Variants in RYR3 observed in about 807,000 individuals in gnomAD.
RYR3 encodes ryanodine receptor 3.
A neutral mutation model predicts 584.3 loss-of-function variants in RYR3; 207 were observed. The ratio of observed to expected loss-of-function variants is 0.35; its 90% confidence interval spans 0.32 to 0.40. The LOEUF is 0.40. Among genes scored for constraint, RYR3 ranks in the 10% least tolerant of loss-of-function variants. The probability of loss-of-function intolerance (pLI) is 1.00; values close to 1 mark genes in which losing one functional copy is unlikely to be tolerated. For missense variants in RYR3, 5,616 were observed against 6,089.2 expected, an observed-to-expected ratio of 0.92 and a Z score of 2.59; for synonymous variants, 2,416 against 2,248.5, an observed-to-expected ratio of 1.07 and a Z score of -2.11.
chr15:33,474,825 A>T (rs946693929), intron 2 of RYR3, among the ~76,000 whole-genome samples: 11 of 152,240 alleles, frequency 7.2e-5, no homozygotes, highest in African/African-American at 2.7e-4. Flanking sequence ...GTAACACCAG[A>T]TGTCCAGGGT....
At chr15:33,423,759 G>A (rs901879556) in intron 1 of RYR3, among the ~76,000 whole-genome samples, 1 of 152,030 alleles carries the variant, frequency 6.6e-6, no homozygotes, top group Admixed American at 6.5e-5. Flanking sequence ...ATATTTTGTA[G>A]TGAGTAATAA....
intron 2 of RYR3, among the ~76,000 whole-genome samples, chr15:33,489,206 C>A (rs2050756697): frequency 1.3e-5 from 2 of 152,006 alleles, no homozygotes; most frequent in East Asian, 3.9e-4. Flanking sequence ...GCTTTATGTT[C>A]CTTATTTTTT....
intron 1 of RYR3, among the ~76,000 whole-genome samples, chr15:33,458,453 C>T (rs75484545): frequency 6.6e-6 from 1 of 152,298 alleles, no homozygotes; most frequent in East Asian, 1.9e-4. Flanking sequence ...CTGCAGAGGC[C>T]ACGTCGTGGG....
intron 43 of RYR3, among the ~76,000 whole-genome samples, chr15:33,715,757 C>T (rs1222891852): frequency 6.6e-6 from 1 of 152,142 alleles, no homozygotes; most frequent in African/African-American, 2.4e-5. Context: ...AACACTGTGT[C>T]CTCACATGGC....
chr15:33,862,620 GTTTT>G (rs1293116956), intron 102 of RYR3, among the ~76,000 whole-genome samples: 3 of 152,030 alleles, frequency 2.0e-5, no homozygotes, highest in Non-Finnish European at 4.4e-5. Context: ...CATGAGTTTT[GTTTT>G]TTTATTTATT....
chr15:33,756,507 G>C (rs114677864), intron 59 of RYR3, 134 bp downstream of exon 59: 3 of 715,006 alleles, frequency 4.2e-6, no homozygotes, highest in Non-Finnish European at 7.2e-6. Flanking sequence ...TTTCTCTGTC[G>C]TGTAACAGTC....
In RYR3 at chr15:33,662,903, C is replaced by T. The variant is rs754112272; in HGVS notation, c.5373C>T (p.Val1791=). 18 of 1,613,328 alleles carry T rather than the reference C, an allele frequency of 1.1e-5. No homozygotes were observed. The highest frequency in any genetic ancestry group is 1.7e-5 in the Admixed American group (1 of 60,014). Residue 1791 remains valine, a synonymous_variant, in exon 35 of 104, where the codon GTC becomes GTT. Transcript: ENST00000634891. The part of the protein sequence containing the change: ...AGEKAGKEAP[V]KGLLQTRLPE... ...AGAAGGCCGGCAAGGAGGCTCCTGT[C>T]AAAGGCTTGTTGCAGACTCGATTAC...
Position 33,335,270 on chromosome 15 carries a change from A to T in RYR3, c.51+24174A>T, listed in dbSNP as rs895915537. 4.5e-4 allele frequency among the ~76,000 whole-genome samples: 69 copies of T among 152,346 alleles called. 1 individual carries two copies. Among genetic ancestry groups the T allele is most frequent in the African/African-American group, 1.6e-3 (67 of 41,574 alleles). ...ACTATTCACAATAGCAAAGACATAG[A>T]ATCAACCTAAATGCCCATCAGTGAT... is the stretch of plus-strand genomic sequence containing the variant. On this transcript the variant is annotated intron_variant, in intron 1 of 103. Transcript: ENST00000634891.
At chr15:33,435,869 C>T (rs1186893639) in intron 1 of RYR3, among the ~76,000 whole-genome samples, 1 of 152,196 alleles carries the variant, frequency 6.6e-6, no homozygotes, top group African/African-American at 2.4e-5. Context: ...GGCAAGGAAC[C>T]CAAGTGAGTT....
At chr15:33,529,944 C>T (rs1044111766) in intron 3 of RYR3, among the ~76,000 whole-genome samples, 2 of 152,214 alleles carry the variant, frequency 1.3e-5, no homozygotes, top group African/African-American at 4.8e-5. Context: ...CCCTCTCCCA[C>T]TGTTTGGGCA....
intron 1 of RYR3, among the ~76,000 whole-genome samples, chr15:33,443,080 GAAACCCTTGTTTCTACTAAAAATACA>G (rs2046357405): frequency 6.6e-6 from 1 of 152,086 alleles, no homozygotes; most frequent in African/African-American, 2.4e-5. Context: ...CCAGCATGGT[GAAACCCTTGTTTCTACTAAAAATACA>G]AAATTAGCTG....
intron 1 of RYR3, among the ~76,000 whole-genome samples, chr15:33,446,211 T>C (rs1333144695): frequency 1.3e-5 from 2 of 152,234 alleles, no homozygotes; most frequent in Admixed American, 6.5e-5. Context: ...CTCAAATTAG[T>C]GTTCTCCTCG....
intron 20 of RYR3, among the ~76,000 whole-genome samples, chr15:33,625,036 C>T (rs2060913830): frequency 6.6e-6 from 1 of 152,122 alleles, no homozygotes; most frequent in South Asian, 2.1e-4. Context: ...CTACCTGAGA[C>T]TGGGTAATTT....
intron 2 of RYR3, among the ~76,000 whole-genome samples, chr15:33,500,168 C>A (rs1166482774): frequency 6.6e-6 from 1 of 152,178 alleles, no homozygotes; most frequent in African/African-American, 2.4e-5. Context: ...GTGAAACAGA[C>A]AAACCTCAAT....
chr15:33,779,700 A>T (rs1304784873), intron 64 of RYR3, among the ~76,000 whole-genome samples: 1 of 152,106 alleles, frequency 6.6e-6, no homozygotes, highest in African/African-American at 2.4e-5. Context: ...TATCATCTTA[A>T]CCAGTTAAGA....
Position 33,838,101 on chromosome 15 carries a change from A to G in RYR3, c.12121A>G (p.Ile4041Val). Residue 4041 changes from isoleucine to valine, a missense_variant, in exon 89 of 104, where the codon ATT (isoleucine) becomes GTT (valine). Around this residue, in one of 9 missense-constraint regions of RYR3, gnomAD observed 258 missense variants for 297.3 expected, o/e 0.87. Coordinates refer to ENST00000634891, the MANE Select transcript of RYR3 (RefSeq NM_001036.6). ...RIEIMGGAKK[I>V]ERVYFEISES... is the part of the protein sequence containing the mutation. ...CGAGATCATGGGTGGGGCCAAGAAG[A>G]TTGAGCGTGTTTATTTTGAGATCAG... 6.2e-7 allele frequency: 1 copy of G among 1,613,956 alleles called. No homozygotes were observed. Among genetic ancestry groups the G allele is most frequent in the Non-Finnish European group, 8.5e-7 (1 of 1,179,894 alleles).
intron 2 of RYR3, among the ~76,000 whole-genome samples, chr15:33,503,076 T>C (rs1034753131): frequency 6.6e-6 from 1 of 152,238 alleles, no homozygotes; most frequent in Non-Finnish European, 1.5e-5. Context: ...ATGATTGTTA[T>C]AGGGATCATC....
intron 1 of RYR3, among the ~76,000 whole-genome samples, chr15:33,409,050 A>G (rs926216244): frequency 6.6e-6 from 1 of 152,180 alleles, no homozygotes; most frequent in Non-Finnish European, 1.5e-5. Flanking sequence ...CTCATAATGC[A>G]TTAGGGGTTT....
intron 1 of RYR3, among the ~76,000 whole-genome samples, chr15:33,450,896 C>T (rs1488345817): frequency 2.0e-5 from 3 of 152,140 alleles, no homozygotes; most frequent in African/African-American, 7.2e-5. Flanking sequence ...TTCTGGCTTA[C>T]AAGTTCCAGT....
Sources: allele counts gnomAD v4.1 joint callset (sites outside exome capture counted in the v4.1 genomes callset), GRCh38; gene constraint gnomAD v4.1.1; regional missense constraint gnomAD v4.1.1; transcripts MANE v1.5; gene names NCBI Gene and HGNC (gene_info 2026-07-23, HGNC 2026-07-21).